The following GALNT13 variants were observed in gnomAD, a reference collection of about 807,000 sequenced individuals.
GALNT13 encodes the protein UDP-GalNAc:polypeptide N-acetylgalactosaminyltransferase 13.
A neutral mutation model predicts 64.2 loss-of-function variants in GALNT13; 28 were observed. That is an observed-to-expected ratio of 0.44 (90% confidence interval 0.32 to 0.60). GALNT13 has a LOEUF of 0.60. Among genes scored for constraint, GALNT13 ranks in the 20% least tolerant of loss-of-function variants. GALNT13 has a pLI of 0.05. For missense variants in GALNT13, 577 were observed against 669.8 expected (o/e 0.86, Z 1.53); for synonymous variants, 214 against 224.6 (o/e 0.95, Z 0.42).
the GALNT13 span, among the ~76,000 whole-genome samples, chr2:153,555,162 A>G: frequency 1.4e-5 from 2 of 142,166 alleles, no homozygotes; most frequent in Non-Finnish European, 3.1e-5. Flanking sequence ...TTTGGTTAGA[A>G]TTTTGTTAAT....
chr2:153,481,585 C>G, the GALNT13 span, among the ~76,000 whole-genome samples: 2 of 152,094 alleles, frequency 1.3e-5, no homozygotes, highest in African/African-American at 4.8e-5. Context: ...TAACTAGTGT[C>G]CTCTTCTACT....
chr2:153,954,864 C>T (rs184150157), intron 3 of GALNT13, among the ~76,000 whole-genome samples: 83 of 152,018 alleles, frequency 5.5e-4, no homozygotes, highest in Admixed American at 2.6e-3. Flanking sequence ...GTGTTGTGCC[C>T]CTGACCCAGG....
chr2:154,161,550 A>AT (rs1195052195), intron 4 of GALNT13, among the ~76,000 whole-genome samples: 1 of 152,182 alleles, frequency 6.6e-6, no homozygotes, highest in Non-Finnish European at 1.5e-5. Flanking sequence ...ATAAATAATG[A>AT]TGAGAGTAGC....
chr2:154,225,745 G>C (rs1045741490), intron 4 of GALNT13, among the ~76,000 whole-genome samples: 1 of 152,052 alleles, frequency 6.6e-6, no homozygotes, highest in Non-Finnish European at 1.5e-5. Context: ...GGGGAAGTTT[G>C]TCCATTTTTA....
chr2:153,518,918 T>A, the GALNT13 span, among the ~76,000 whole-genome samples: 1 of 152,158 alleles, frequency 6.6e-6, no homozygotes, highest in African/African-American at 2.4e-5. Context: ...GTACTGTGAT[T>A]TCTGACTTGG....
At chr2:153,903,633 A>C (rs1688375622) in intron 2 of GALNT13, among the ~76,000 whole-genome samples, 1 of 151,846 alleles carries the variant, frequency 6.6e-6, no homozygotes, top group African/African-American at 2.4e-5. Context: ...TGTCTTCTGG[A>C]TATTGTAAAG....
At chr2:154,198,834 C>T (rs1687020027) in intron 4 of GALNT13, among the ~76,000 whole-genome samples, 1 of 151,878 alleles carries the variant, frequency 6.6e-6, no homozygotes, top group African/African-American at 2.4e-5. Context: ...TGTTGTAATA[C>T]AAAATAGAGG....
chr2:153,598,711 C>G, the GALNT13 span, among the ~76,000 whole-genome samples: 2 of 151,982 alleles, frequency 1.3e-5, no homozygotes, highest in Non-Finnish European at 2.9e-5. Flanking sequence ...AAAAGACAAA[C>G]TATACAATAA....
At chr2:154,051,894 G>A (rs1201086448) in intron 3 of GALNT13, among the ~76,000 whole-genome samples, 1 of 152,074 alleles carries the variant, frequency 6.6e-6, no homozygotes, top group African/African-American at 2.4e-5. Context: ...GCTTTCCAAT[G>A]TATATTTAGA....
the GALNT13 span, among the ~76,000 whole-genome samples, chr2:153,525,359 A>C: frequency 6.6e-6 from 1 of 152,182 alleles, no homozygotes; most frequent in South Asian, 2.1e-4. Flanking sequence ...ACTGCTTGAG[A>C]AAAACAGAGG....
the GALNT13 span, among the ~76,000 whole-genome samples, chr2:153,469,158 T>A: frequency 1.3e-5 from 2 of 152,218 alleles, no homozygotes; most frequent in East Asian, 3.9e-4. Flanking sequence ...GAGAGTGCTC[T>A]TTTATATGTG....
chr2:154,245,485 T>C (rs889886525), intron 6 of GALNT13, among the ~76,000 whole-genome samples: 1 of 152,180 alleles, frequency 6.6e-6, no homozygotes, highest in Non-Finnish European at 1.5e-5. Context: ...ATAGCTAAAA[T>C]GATGCATAAT....
chr2:153,077,399 T>C, the GALNT13 span, among the ~76,000 whole-genome samples: 1 of 152,064 alleles, frequency 6.6e-6, no homozygotes, highest in Non-Finnish European at 1.5e-5. Context: ...AATTCATGAA[T>C]TGGGAAGCAA....
intron 3 of GALNT13, among the ~76,000 whole-genome samples, chr2:153,957,193 G>T (rs1692620273): frequency 6.6e-6 from 1 of 152,152 alleles, no homozygotes; most frequent in Admixed American, 6.5e-5. Flanking sequence ...AAGACAACTG[G>T]ATTCAAGTTA....
chr2:154,317,529 T>C (rs986638774), intron 9 of GALNT13, among the ~76,000 whole-genome samples: 1 of 152,200 alleles, frequency 6.6e-6, no homozygotes, highest in Non-Finnish European at 1.5e-5. Flanking sequence ...TAGAAACTTA[T>C]ATATCAATGA....
chr2:153,353,772 C>T, the GALNT13 span, among the ~76,000 whole-genome samples: 1 of 152,084 alleles, frequency 6.6e-6, no homozygotes. Flanking sequence ...AAATGTTGAA[C>T]AAGTCTTACA....
chr2:153,872,526 C>T (rs1247412333), intron 1 of GALNT13, among the ~76,000 whole-genome samples: 1 of 149,504 alleles, frequency 6.7e-6, no homozygotes, highest in African/African-American at 2.5e-5. Flanking sequence ...TGCGGGGCTG[C>T]AGGTGTTGCG....
the GALNT13 span, among the ~76,000 whole-genome samples, chr2:153,516,575 T>C: frequency 6.6e-6 from 1 of 152,120 alleles, no homozygotes; most frequent in Non-Finnish European, 1.5e-5. Flanking sequence ...TTCTGTTTCC[T>C]TAATGAAATA....
the GALNT13 span, among the ~76,000 whole-genome samples, chr2:153,825,446 C>A: frequency 1.3e-5 from 2 of 152,132 alleles, no homozygotes; most frequent in African/African-American, 4.8e-5. Flanking sequence ...TACGACAAGC[C>A]ACTATCTTAG....
Sources: allele counts gnomAD v4.1 joint callset (sites outside exome capture counted in the v4.1 genomes callset), GRCh38; gene constraint gnomAD v4.1.1; transcripts MANE v1.5; gene names NCBI Gene and HGNC (gene_info 2026-07-23, HGNC 2026-07-21).